SLC9A7: variants seen among roughly 807,000 people sequenced by gnomAD.
SLC9A7 encodes sodium/hydrogen exchanger 7.
Under a neutral mutation model 52.6 loss-of-function variants are expected in SLC9A7, and 19 were observed. The observed-to-expected ratio is 0.36, with a 90% CI of 0.25 to 0.53. The LOEUF is 0.53. SLC9A7 is among the 20% of genes least tolerant of loss of function. SLC9A7 has a pLI of 0.91. For missense variants in SLC9A7, 455 were observed against 597.9 expected (o/e 0.76, Z 2.49); for synonymous variants, 226 against 252.1 (o/e 0.90, Z 0.98).
At chrX:46,672,679 A>C in intron 3 of SLC9A7, 52 bp from the exon 4 acceptor site, 1 of 926,439 alleles carries the variant, frequency 1.1e-6, no homozygotes, top group Non-Finnish European at 1.6e-6. Flanking sequence ...ATTTTCAACA[A>C]TGAGCTTAAG....
At position 46,759,106 on chromosome X, in the gene SLC9A7, G is replaced by T. The variant is rs1922935132; in HGVS notation, c.-77C>A. The T allele has an allele frequency of 1.5e-6, 1 of 683,951 alleles. No individual in the cohort carries two copies. The highest frequency in any genetic ancestry group is 2.3e-5 in the African/African-American group (1 of 43,087). The allele number at this position is 683,951 out of a possible 1,213,427, so 56.4% of individuals were successfully genotyped here. On this transcript the variant is annotated 5_prime_UTR_variant, in exon 1 of 17. Transcript: ENST00000616978. ...GTCGGCGGGTTCTGGCAGCACCGCG[G>T]ACCTGCCGGAGTGGCCGTGGCCGCT...
chrX:46,640,525 C>T (rs1943390300), intron 12 of SLC9A7, among the ~76,000 whole-genome samples: 1 of 110,909 alleles, frequency 9.0e-6, no homozygotes, highest in South Asian at 3.7e-4. Flanking sequence ...AATGCATGAC[C>T]CATAAAAGAA....
intron 15 of SLC9A7, among the ~76,000 whole-genome samples, chrX:46,614,668 T>C (rs1172799995): frequency 8.9e-6 from 1 of 111,991 alleles, no homozygotes; most frequent in Non-Finnish European, 1.9e-5. Flanking sequence ...GTCTGTCACT[T>C]GGTGAATATC....
intron 1 of SLC9A7, among the ~76,000 whole-genome samples, chrX:46,710,569 G>C (rs898697814): frequency 9.0e-6 from 1 of 111,143 alleles, no homozygotes; most frequent in Non-Finnish European, 1.9e-5. Flanking sequence ...GATTCGTTTA[G>C]GGAAAACCCA....
chrX:46,688,845 A>G (rs1944338307), intron 1 of SLC9A7, among the ~76,000 whole-genome samples: 1 of 110,491 alleles, frequency 9.1e-6, no homozygotes, highest in African/African-American at 3.3e-5. Context: ...CTCTTATTGA[A>G]TGGTAAAAAA....
At chrX:46,689,135 C>T (rs1434512158) in intron 1 of SLC9A7, among the ~76,000 whole-genome samples, 1 of 112,112 alleles carries the variant, frequency 8.9e-6, no homozygotes, top group East Asian at 2.8e-4. Context: ...CTTGTACTAT[C>T]TCTTCACACT....
intron 14 of SLC9A7, among the ~76,000 whole-genome samples, chrX:46,626,840 GGCCTCCCAGCTATGCTTCCTGTACAGCTT>G (rs1187018752): frequency 5.4e-5 from 6 of 112,141 alleles, no homozygotes; most frequent in African/African-American, 1.9e-4. Context: ...CGTTTCCTGA[GGCCTCCCAGCTATGCTTCCTGTACAGCTT>G]GCAGAACTAT....
At chrX:46,654,282 C>G (rs1314436893) in intron 7 of SLC9A7, among the ~76,000 whole-genome samples, 1 of 109,676 alleles carries the variant, frequency 9.1e-6, no homozygotes, top group Non-Finnish European at 1.9e-5. Context: ...CCCAGCTATT[C>G]AGGAGGTTGA....
chrX:46,647,249 C>G, intron 11 of SLC9A7: 1 of 186,483 alleles, frequency 5.4e-6, no homozygotes, highest in East Asian at 1.4e-4. Flanking sequence ...GGGCTCAGGG[C>G]GGTGTCCTTC....
intron 1 of SLC9A7, among the ~76,000 whole-genome samples, chrX:46,698,585 C>G (rs1229284721): frequency 9.0e-6 from 1 of 111,622 alleles, no homozygotes; most frequent in African/African-American, 3.3e-5. Flanking sequence ...TGGTTGTTCT[C>G]TCTCCCAAGC....
chrX:46,690,668 T>C (rs758231034), intron 1 of SLC9A7, among the ~76,000 whole-genome samples: 39 of 112,018 alleles, frequency 3.5e-4, no homozygotes, highest in African/African-American at 1.2e-3. Context: ...TGGTATCATA[T>C]CTAAAAAACA....
At chrX:46,724,226 A>G (rs1351912788) in intron 1 of SLC9A7, among the ~76,000 whole-genome samples, 4 of 111,919 alleles carry the variant, frequency 3.6e-5, no homozygotes, top group Admixed American at 9.5e-5. Context: ...GGTACTTATG[A>G]CCATTACCTC....
At chrX:46,737,275 G>C (rs1272708911) in intron 1 of SLC9A7, among the ~76,000 whole-genome samples, 1 of 111,958 alleles carries the variant, frequency 8.9e-6, no homozygotes, top group Non-Finnish European at 1.9e-5. Flanking sequence ...CAGGAATCCT[G>C]GAGGAAAAGC....
chrX:46,619,966 GT>G (rs759600404), intron 15 of SLC9A7, among the ~76,000 whole-genome samples: 1 of 111,865 alleles, frequency 8.9e-6, no homozygotes, highest in African/African-American at 3.2e-5. Flanking sequence ...TTCGTTTGGT[GT>G]TAAATGAGTG....
intron 1 of SLC9A7, among the ~76,000 whole-genome samples, chrX:46,694,008 A>G (rs1669485217): frequency 9.0e-6 from 1 of 110,936 alleles, no homozygotes; most frequent in African/African-American, 3.3e-5. Context: ...GAACACATAC[A>G]GACATAAACA....
chrX:46,711,679 G>A (rs778282484), intron 1 of SLC9A7, among the ~76,000 whole-genome samples: 1 of 110,654 alleles, frequency 9.0e-6, no homozygotes, highest in Admixed American at 9.6e-5. Context: ...CAAAATAATG[G>A]TGGCTTAGAC....
chrX:46,681,464 T>C (rs990377994), intron 2 of SLC9A7, among the ~76,000 whole-genome samples: 4 of 112,237 alleles, frequency 3.6e-5, no homozygotes, highest in African/African-American at 1.3e-4. Context: ...TGTTTAATGC[T>C]CCAGGTAGAG....
chrX:46,634,468 CTGAA>C (rs1943286687), intron 13 of SLC9A7, among the ~76,000 whole-genome samples: 1 of 110,623 alleles, frequency 9.0e-6, no homozygotes, highest in African/African-American at 3.3e-5. Context: ...AAAAAAAACC[CTGAA>C]TGGTCAAGGT....
chrX:46,689,033 T>C (rs1191213397), intron 1 of SLC9A7, among the ~76,000 whole-genome samples: 1 of 111,143 alleles, frequency 9.0e-6, no homozygotes, highest in Non-Finnish European at 1.9e-5. Flanking sequence ...TCTTTTGGTG[T>C]ACAGTTCTAT....
Sources: gnomAD v4.1 joint callset for allele counts (sites outside exome capture counted in the v4.1 genomes callset) on GRCh38, gnomAD v4.1.1 for gene constraint, MANE v1.5 for transcripts, NCBI Gene and HGNC (gene_info 2026-07-23, HGNC 2026-07-21) for gene names.